The following KIF1B variants were observed in gnomAD, a reference collection of about 807,000 sequenced individuals.
The protein encoded by KIF1B is kinesin-like protein KIF1B.
In KIF1B, 76 loss-of-function variants were observed where a neutral mutation model predicts 241.9. The ratio of observed to expected loss-of-function variants is 0.31; its 90% CI spans 0.26 to 0.38. KIF1B has a LOEUF of 0.38. Among genes scored for constraint, KIF1B ranks in the 10% least tolerant of loss-of-function variants. The probability of loss-of-function intolerance (pLI) is 1.00; values close to 1 mark genes in which losing one functional copy is unlikely to be tolerated. For synonymous variants in KIF1B, 750 were observed against 796.7 expected (o/e 0.94, Z 0.99); for missense variants, 1,622 against 2,271.4 (o/e 0.71, Z 5.81).
At chr1:10,290,258 A>G (rs980720171) in intron 15 of KIF1B, among the ~76,000 whole-genome samples, 1 of 152,138 alleles carries the variant, frequency 6.6e-6, no homozygotes, top group Non-Finnish European at 1.5e-5. Context: ...TGCCCCTATC[A>G]ACCCGTTATC....
intron 22 of KIF1B, chr1:10,299,084 A>AG (rs1650413907): frequency 1.3e-5 from 2 of 151,766 alleles, no homozygotes; most frequent in South Asian, 4.2e-4. Context: ...AAAAAAAAAA[A>AG]AGAAACAAAA....
chr1:10,319,410 T>C (rs949439335), intron 22 of KIF1B, among the ~76,000 whole-genome samples: 1 of 152,180 alleles, frequency 6.6e-6, no homozygotes, highest in Non-Finnish European at 1.5e-5. Flanking sequence ...CAGTAATCCA[T>C]CTTATAGTTG....
rs1212106048 is a variant in KIF1B, at chr1:10,342,091, A to T, written c.3555A>T (p.Lys1185Asn). Residue 1185 changes from lysine (K) to asparagine (N), a missense_variant, in exon 33 of 49, where the codon AAA becomes AAT. Physicochemically the swap from Lys to Asn is moderately conservative, Grantham distance 94. This residue lies in a region of KIF1B where 803 missense variants were observed against 1,112.0 expected (regional missense o/e 0.72). Coordinates refer to ENST00000676179, the MANE Select transcript of KIF1B (RefSeq NM_001365951.3). ...CTGAATCATTTGTGGATTACATCAA[A>T]ACCAAGCCTATTGTATTTGAAGTCT... ...EITESFVDYI[K>N]TKPIVFEVFG... is the part of the protein sequence containing the mutation. 1 of 1,613,794 alleles carries T rather than the reference A, an allele frequency of 6.2e-7. No homozygotes were observed. Among genetic ancestry groups the T allele is most frequent in the Non-Finnish European group, 8.5e-7 (1 of 1,179,648 alleles).
At chr1:10,235,862 CAA>C (rs70997211) in intron 2 of KIF1B, among the ~76,000 whole-genome samples, 5,057 of 70,368 alleles carry the variant, frequency 0.072, 63 homozygotes, top group Middle Eastern at 0.15. Context: ...AACACTGTCT[CAA>C]AAAAAAAAAA....
At chr1:10,272,916 A>G (rs1648880890) in intron 9 of KIF1B, 98 bp from the exon 10 acceptor site, 2 of 1,023,998 alleles carry the variant, frequency 2.0e-6, no homozygotes, top group African/African-American at 1.6e-5. Flanking sequence ...CCTTGGAGAA[A>G]TCATAATCTA....
chr1:10,340,806 A>T (rs566933769), intron 32 of KIF1B, among the ~76,000 whole-genome samples: 5 of 152,336 alleles, frequency 3.3e-5, no homozygotes, highest in African/African-American at 1.2e-4. Flanking sequence ...TAATAAAAAT[A>T]AAGTTACTCA....
At chr1:10,276,006 A>T (rs919275703) in intron 11 of KIF1B, among the ~76,000 whole-genome samples, 11 of 151,560 alleles carry the variant, frequency 7.3e-5, no homozygotes, top group African/African-American at 2.4e-4. Context: ...CCTGGGTTCA[A>T]GCAGTTCTCC....
At chr1:10,331,138 G>A (rs375307295) in intron 27 of KIF1B, among the ~76,000 whole-genome samples, 1 of 151,948 alleles carries the variant, frequency 6.6e-6, no homozygotes, top group African/African-American at 2.4e-5. Context: ...TGTAGGCATC[G>A]AGTGCAGAGA....
chr1:10,275,356 G>T, intron 10 of KIF1B, 72 bp from the exon 11 acceptor site: 1 of 810,428 alleles, frequency 1.2e-6, no homozygotes. Flanking sequence ...GGGAATTTTA[G>T]ACTGATTTGC....
intron 22 of KIF1B, among the ~76,000 whole-genome samples, chr1:10,316,634 G>A (rs1651317339): frequency 6.6e-6 from 1 of 151,402 alleles, no homozygotes; most frequent in South Asian, 2.1e-4. Flanking sequence ...TCTAGTAGCT[G>A]GGACTACAGG....
intron 2 of KIF1B, among the ~76,000 whole-genome samples, chr1:10,252,514 T>C (rs1647516983): frequency 6.6e-6 from 1 of 151,722 alleles, no homozygotes; most frequent in South Asian, 2.1e-4. Flanking sequence ...TGGGCTCAGG[T>C]GATCTTCCTA....
chr1:10,251,956 C>T (rs895138931), intron 2 of KIF1B, among the ~76,000 whole-genome samples: 1 of 152,106 alleles, frequency 6.6e-6, no homozygotes, highest in Non-Finnish European at 1.5e-5. Flanking sequence ...CACTTATTTC[C>T]GTTTTCTTGG....
chr1:10,226,648 A>G (rs1571098511), intron 1 of KIF1B, among the ~76,000 whole-genome samples: 1 of 152,286 alleles, frequency 6.6e-6, no homozygotes, highest in East Asian at 1.9e-4. Context: ...TACCCAGCCT[A>G]TCTTCAGACT....
intron 38 of KIF1B, among the ~76,000 whole-genome samples, chr1:10,359,151 C>T (rs1430857734): frequency 6.6e-6 from 1 of 152,126 alleles, no homozygotes; most frequent in Non-Finnish European, 1.5e-5. Flanking sequence ...CTCTGTTGAT[C>T]GTTTCTGGAG....
In KIF1B at chr1:10,326,920, T is replaced by A. The variant is rs989657963; in HGVS notation, c.2924+561T>A. 1.3e-5 allele frequency among the ~76,000 whole-genome samples: 2 copies of A among 152,178 alleles called. No individual in the cohort carries two copies. The highest frequency in any genetic ancestry group is 4.8e-5 in the African/African-American group (2 of 41,418). ...GAATCAGGAAAGTTAAGCTTCTCCTTTACCTAAAACGGATGCCTGTCTTTG... is the reference window on the plus strand; with the variant it reads ...GAATCAGGAAAGTTAAGCTTCTCCTATACCTAAAACGGATGCCTGTCTTTG... On this transcript the variant is annotated intron_variant, in intron 27 of 48. Coordinates refer to ENST00000676179, the MANE Select transcript of KIF1B (RefSeq NM_001365951.3). The surrounding 1 kb of genome is among the most constrained non-coding windows in gnomAD (Gnocchi z 5.2).
chr1:10,297,746 T>C (rs1650340853), intron 22 of KIF1B, among the ~76,000 whole-genome samples: 1 of 152,104 alleles, frequency 6.6e-6, no homozygotes, highest in Non-Finnish European at 1.5e-5. Flanking sequence ...TGCTGCACAG[T>C]TGCATGTGTT....
chr1:10,361,230 G>A (rs1638413117), intron 39 of KIF1B, among the ~76,000 whole-genome samples, 187 bp downstream of exon 39: 1 of 152,118 alleles, frequency 6.6e-6, no homozygotes, highest in African/African-American at 2.4e-5. Context: ...CCTGGGTTCT[G>A]TTTACTCAAA....
chr1:10,289,741 G>A (rs1364794591), intron 15 of KIF1B, among the ~76,000 whole-genome samples: 1 of 151,986 alleles, frequency 6.6e-6, no homozygotes. Context: ...AAAACTTGCC[G>A]GACATAGTGG....
rs1458739115 is a variant in KIF1B, at chr1:10,296,973, G to T, written c.1938G>T (p.Lys646Asn). 2 of 1,613,914 alleles carry T rather than the reference G, an allele frequency of 1.2e-6. No individual in the cohort carries two copies. The highest frequency in any genetic ancestry group is 3.3e-5 in the Admixed American group (2 of 59,978). Residue 646 changes from lysine to asparagine, a missense_variant, in exon 21 of 49, where the codon AAG (lysine) becomes AAT (asparagine). Lys to Asn is a moderately conservative substitution (Grantham distance 94). Around this residue, in one of 7 missense-constraint regions of KIF1B, gnomAD observed 803 missense variants for 1,112.0 expected, o/e 0.72. Transcript: ENST00000676179. ...HPEQARAERE[K>N]TPSAETPSEP... ...AACAAGCACGAGCTGAGCGAGAGAA[G>T]ACTCCTTCTGCTGAGACCCCCTCTG...
Sources: allele counts gnomAD v4.1 joint callset (sites outside exome capture counted in the v4.1 genomes callset), GRCh38; gene constraint gnomAD v4.1.1; regional missense constraint gnomAD v4.1.1; non-coding constraint Gnocchi (gnomAD v3.1); transcripts MANE v1.5; gene names NCBI Gene and HGNC (gene_info 2026-07-23, HGNC 2026-07-21).